The following SH3PXD2B variants were observed in gnomAD, a reference collection of about 807,000 sequenced individuals.
SH3PXD2B encodes the protein SH3 and PX domains 2B, also known as SH3 and PX domain-containing protein 2B.
A neutral mutation model predicts 73.1 loss-of-function variants in SH3PXD2B; 37 were observed. That is an observed-to-expected ratio of 0.51 (90% CI 0.39 to 0.67). The LOEUF (loss-of-function observed/expected upper bound fraction) is 0.67, where lower values mean the gene tolerates loss of function less well. Among genes scored for constraint, SH3PXD2B ranks in the 30% least tolerant of loss-of-function variants. The pLI, the probability that SH3PXD2B is intolerant of heterozygous loss-of-function variation, is 0.00. For synonymous variants in SH3PXD2B, 457 were observed against 480.5 expected (o/e 0.95, Z 0.64); for missense variants, 1,053 against 1,197.8 (o/e 0.88, Z 1.78).
chr5:172,372,243 C>T (rs1313754306), intron 6 of SH3PXD2B, among the ~76,000 whole-genome samples: 1 of 152,122 alleles, frequency 6.6e-6, no homozygotes, highest in African/African-American at 2.4e-5. Context: ...GGGGGTGGGT[C>T]CTTCATGAAT....
intron 6 of SH3PXD2B, among the ~76,000 whole-genome samples, chr5:172,372,000 T>C (rs28738743): frequency 0.1 from 15,572 of 152,212 alleles, 952 homozygotes; most frequent in South Asian, 0.21. Flanking sequence ...AATGGACTGG[T>C]TGGGAAAAGG....
downstream of SH3PXD2B, among the ~76,000 whole-genome samples, chr5:172,329,081 A>ATTT (rs67185423): frequency 1.6e-3 from 107 of 68,198 alleles, 2 homozygotes; most frequent in Middle Eastern, 9.1e-3. Context: ...ATATATATAT[A>ATTT]TATTTTTTTT....
intron 4 of SH3PXD2B, among the ~76,000 whole-genome samples, chr5:172,392,724 G>A (rs557137836): frequency 1.3e-5 from 2 of 152,208 alleles, no homozygotes; most frequent in South Asian, 4.1e-4. Flanking sequence ...GGCGGAGGTT[G>A]TAGTGAGCCG....
chr5:172,454,128 G>C, intron 1 of SH3PXD2B, 150 bp downstream of exon 1: 1 of 512,762 alleles, frequency 2.0e-6, no homozygotes, highest in Non-Finnish European at 3.3e-6. Context: ...AGTCGGGAGG[G>C]ACCCGGGCAG....
chr5:172,402,847 G>A (rs1758452976), intron 3 of SH3PXD2B, among the ~76,000 whole-genome samples: 2 of 152,248 alleles, frequency 1.3e-5, no homozygotes, highest in Non-Finnish European at 2.9e-5. Flanking sequence ...GATGATTCAT[G>A]CACTCTGCAA....
At position 172,336,706 on chromosome 5, in the gene SH3PXD2B, GGGGCAGGGCA is replaced by G. The variant is rs769407514; in HGVS notation, c.*1653_*1662del. On this transcript the variant is annotated 3_prime_UTR_variant, in exon 13 of 13. Coordinates refer to ENST00000311601, the MANE Select transcript of SH3PXD2B (RefSeq NM_001017995.3). ...GGGGCAGGGCAGGGTGGGGAGGGGC[GGGGCAGGGCA>G]GGGCAGGGCTGCCTCGGTCGGGTAG... is the stretch of plus-strand genomic sequence containing the variant. The G allele has an allele frequency of 1.0e-6, 1 of 983,430 alleles. No individual in the cohort carries two copies. The highest frequency in any genetic ancestry group is 1.2e-6 in the Non-Finnish European group (1 of 828,516). The allele number at this position is 983,430 out of a possible 1,614,324, so 60.9% of individuals were successfully genotyped here.
rs1757215354 is a variant in SH3PXD2B, at chr5:172,353,932, C to G, written c.741G>C (p.Val247=). 1 of 1,613,950 alleles carries G rather than the reference C, an allele frequency of 6.2e-7. No individual in the cohort carries two copies. Among genetic ancestry groups the G allele is most frequent in the Admixed American group, 1.7e-5 (1 of 59,968 alleles). ...CCAGGTTTTTCTGGATGACCTCCAC[C>G]ACAGCCCCTCTCTCCAGGTTCATTT... The part of the protein sequence containing the change: ...QDEMNLERGA[V]VEVIQKNLEG... The change falls in exon 9 of 13, where the codon GTG becomes GTC. Residue 247 remains valine, a synonymous_variant. Transcript: ENST00000311601. The surrounding 1 kb of genome is among the most constrained non-coding windows in gnomAD (Gnocchi z 4.3).
Position 172,338,457 on chromosome 5 carries a change from C to G in SH3PXD2B, c.2648G>C (p.Ser883Thr). ...GTVFEVREKNSSGWWFCQVLS... is the reference protein window; with the variant it reads ...GTVFEVREKNTSGWWFCQVLS... ...GACCTGGCAGAACCACCAGCCACTG[C>G]TGTTCTTCTCCCGGACTTCAAACAC... is the stretch of plus-strand genomic sequence containing the variant. Residue 883 changes from serine (S) to threonine (T), a missense_variant, in exon 13 of 13, where the codon AGC (serine) becomes ACC (threonine). By Grantham distance (58) the Ser-to-Thr change is moderately conservative. This residue lies in a region of SH3PXD2B where 587 missense variants were observed against 590.7 expected (regional missense o/e 0.99). Coordinates refer to ENST00000311601, the MANE Select transcript of SH3PXD2B (RefSeq NM_001017995.3). The surrounding 1 kb of genome is among the most constrained non-coding windows in gnomAD (Gnocchi z 5.1). The G allele has an allele frequency of 1.2e-6, 2 of 1,614,222 alleles. No individual in the cohort carries two copies. The highest frequency in any genetic ancestry group is 1.7e-6 in the Non-Finnish European group (2 of 1,180,042).
At chr5:172,370,697 T>C (rs1247884490) in intron 6 of SH3PXD2B, among the ~76,000 whole-genome samples, 2 of 152,202 alleles carry the variant, frequency 1.3e-5, no homozygotes, top group Admixed American at 6.5e-5. Flanking sequence ...GAGTTGCTTT[T>C]TCAGCACCAG....
chr5:172,332,191 G>A (rs1381280374), downstream of SH3PXD2B, among the ~76,000 whole-genome samples: 1 of 151,536 alleles, frequency 6.6e-6, no homozygotes, highest in Non-Finnish European at 1.5e-5. Context: ...AGCACTCTTG[G>A]TTTGCAAGAA....
intron 1 of SH3PXD2B, among the ~76,000 whole-genome samples, chr5:172,431,733 G>A (rs987235591): frequency 4.6e-5 from 7 of 152,126 alleles, no homozygotes; most frequent in Admixed American, 6.6e-5. Context: ...CGGTAGTTAC[G>A]TTCTGTAAAG....
At chr5:172,404,912 T>C (rs1758517204) in intron 3 of SH3PXD2B, among the ~76,000 whole-genome samples, 1 of 152,242 alleles carries the variant, frequency 6.6e-6, no homozygotes. Context: ...TTCTGCCATC[T>C]GTGCAAGCGC....
intron 1 of SH3PXD2B, among the ~76,000 whole-genome samples, chr5:172,443,975 C>T (rs1342515997): frequency 6.6e-6 from 1 of 152,246 alleles, no homozygotes; most frequent in Non-Finnish European, 1.5e-5. Context: ...TCAGTTTCCA[C>T]ATTTGTGAAA....
chr5:172,414,989 T>TGA (rs1233136781), intron 2 of SH3PXD2B, among the ~76,000 whole-genome samples: 1 of 152,222 alleles, frequency 6.6e-6, no homozygotes, highest in Non-Finnish European at 1.5e-5. Context: ...CTCCAGCAAG[T>TGA]GAGCCCTGTC....
rs1216901093 is a variant in SH3PXD2B, at chr5:172,334,532, C to T, written c.*3837G>A. ...CAACCCTTGGGGGATAAGACAGCCA[C>T]ACATGGCTCAGGCTGTTAGGTGTCC... On this transcript the variant is annotated 3_prime_UTR_variant, in exon 13 of 13. Coordinates refer to ENST00000311601, the MANE Select transcript of SH3PXD2B (RefSeq NM_001017995.3). 5.1e-6 allele frequency: 5 copies of T among 985,482 alleles called. No homozygotes were observed. Among genetic ancestry groups the T allele is most frequent in the African/African-American group, 1.7e-5 (1 of 57,232 alleles). 61.0% of individuals were successfully genotyped at this position (985,482 alleles called of 1,614,324 possible). A position where few individuals can be genotyped will look rare whatever the true frequency, so the allele number is the denominator to read the frequency against.
chr5:172,329,166 C>T (rs1756507169), downstream of SH3PXD2B, among the ~76,000 whole-genome samples: 1 of 147,706 alleles, frequency 6.8e-6, no homozygotes. Context: ...CTGCAACCTC[C>T]ACCTTCCCGG....
chr5:172,421,777 A>G lies in SH3PXD2B; in HGVS notation c.156+639T>C, dbSNP rs770222821. Among the ~76,000 whole-genome samples the G allele has an allele frequency of 2.0e-5, 3 of 152,214 alleles. No individual in the cohort carries two copies. The highest frequency in any genetic ancestry group is 4.4e-5 in the Non-Finnish European group (3 of 68,032). ...CTGTCTTCAGAGCTGAATGGCCCCA[A>G]AAGTCTAGACACACTCAACAAACCC... is the stretch of plus-strand genomic sequence containing the variant. On this transcript the variant is annotated intron_variant, in intron 2 of 12. Transcript: ENST00000311601. This position sits in a 1 kb window ranked among gnomAD's most constrained non-coding sequence, Gnocchi z 4.0.
chr5:172,348,813 C>T (rs916661495), intron 10 of SH3PXD2B, among the ~76,000 whole-genome samples: 3 of 152,014 alleles, frequency 2.0e-5, no homozygotes, highest in Non-Finnish European at 4.4e-5. Flanking sequence ...TTCAAGTGAT[C>T]CTCCCGCCTC....
rs551521674 is a variant in SH3PXD2B, at chr5:172,401,042, G to A, written c.232+5235C>T. On this transcript the variant is annotated intron_variant, in intron 3 of 12. Coordinates refer to ENST00000311601, the MANE Select transcript of SH3PXD2B (RefSeq NM_001017995.3). ...TGGCGTTACATCAATCTATTCAAACGGCTCATTTTGTTAACGATTGGCAAG... is the reference window on the plus strand; with the variant it reads ...TGGCGTTACATCAATCTATTCAAACAGCTCATTTTGTTAACGATTGGCAAG... Among the ~76,000 whole-genome samples, 8 of 152,274 alleles carry A rather than the reference G, an allele frequency of 5.3e-5. No individual in the cohort carries two copies. The South Asian group carries it at 1.4e-3, about 28-fold the overall frequency.
Sources: allele counts gnomAD v4.1 joint callset (sites outside exome capture counted in the v4.1 genomes callset), GRCh38; gene constraint gnomAD v4.1.1; regional missense constraint gnomAD v4.1.1; non-coding constraint Gnocchi (gnomAD v3.1); transcripts MANE v1.5; gene names NCBI Gene and HGNC (gene_info 2026-07-23, HGNC 2026-07-21).